Variants in PYROXD2 observed in about 807,000 individuals in gnomAD.
PYROXD2 encodes pyridine nucleotide-disulphide oxidoreductase domain 2.
PYROXD2 carries 69 observed loss-of-function variants against 71.1 expected under a neutral mutation model. The ratio of observed to expected loss-of-function variants is 0.97; its 90% confidence interval spans 0.80 to 1.19. The LOEUF (loss-of-function observed/expected upper bound fraction) is 1.19. Ranked by LOEUF, PYROXD2 falls within the 50% of genes most tolerant of loss-of-function variation. The pLI, the probability that PYROXD2 is intolerant of heterozygous loss-of-function variation, is 0.00. For synonymous variants in PYROXD2, 287 were observed against 302.7 expected, an observed-to-expected ratio of 0.95 and a Z score of 0.54; for missense variants, 745 against 748.9, an observed-to-expected ratio of 0.99 and a Z score of 0.06.
At chr10:98,388,253 C>T in intron 13 of PYROXD2, 101 bp downstream of exon 13, 5 of 1,197,892 alleles carry the variant, frequency 4.2e-6, no homozygotes, top group Non-Finnish European at 6.1e-6. Flanking sequence ...GGAATGGCAC[C>T]TGCAGTTGTC....
chr10:98,401,430 T>C (rs1843406600), intron 4 of PYROXD2, among the ~76,000 whole-genome samples: 1 of 152,104 alleles, frequency 6.6e-6, no homozygotes, highest in African/African-American at 2.4e-5. Context: ...TGCTGTACAC[T>C]ACTGCACACT....
chr10:98,400,323 C>T lies in PYROXD2; in HGVS notation c.316-66G>A, dbSNP rs137874240. On this transcript the variant is annotated intron_variant, in intron 4 of 15. Transcript: ENST00000370575. ...TGTGGTCTCTGCCCATCATCTTTCT[C>T]CGATTGTGTTTGTGTGACCATTTAG... 2.7e-4 allele frequency: 401 copies of T among 1,485,832 alleles called. 1 individual carries two copies. The African/African-American group carries it at 5.0e-3, about 18-fold the overall frequency. The allele number at this position is 1,485,832 out of a possible 1,614,324, so 92.0% of individuals were successfully genotyped here.
intron 14 of PYROXD2, among the ~76,000 whole-genome samples, chr10:98,386,343 A>G (rs1842753274): frequency 1.3e-5 from 2 of 151,428 alleles, no homozygotes; most frequent in African/African-American, 4.9e-5. Flanking sequence ...GGAAGGAAGG[A>G]AGGAAGGAAG....
chr10:98,385,757 C>T (rs186626960), intron 14 of PYROXD2, among the ~76,000 whole-genome samples: 20 of 152,322 alleles, frequency 1.3e-4, no homozygotes, highest in Admixed American at 9.1e-4. Flanking sequence ...ACCTTCCTCC[C>T]CCTGGCCTCT....
At chr10:98,410,868 A>G in intron 2 of PYROXD2, 71 bp downstream of exon 2, 1 of 1,550,368 alleles carries the variant, frequency 6.5e-7, no homozygotes, top group South Asian at 1.2e-5. Flanking sequence ...GCTTCTTCAC[A>G]CTCCTTCCCA....
At chr10:98,413,983 T>C (rs968652521) in intron 1 of PYROXD2, 2 of 152,136 alleles carry the variant, frequency 1.3e-5, no homozygotes, top group Non-Finnish European at 2.9e-5. Context: ...ATTTGTAAAA[T>C]TGTGTGCAGT....
intron 4 of PYROXD2, among the ~76,000 whole-genome samples, chr10:98,405,728 C>A (rs983586100): frequency 6.6e-6 from 1 of 152,220 alleles, no homozygotes; most frequent in African/African-American, 2.4e-5. Context: ...ACCACGTTCA[C>A]CGCAAAGTAC....
At chr10:98,403,247 C>T (rs1843479786) in intron 4 of PYROXD2, among the ~76,000 whole-genome samples, 1 of 152,218 alleles carries the variant, frequency 6.6e-6, no homozygotes, top group African/African-American at 2.4e-5. Flanking sequence ...CTCACTCATA[C>T]CCAGGAGGCA....
chr10:98,400,089 T>A lies in PYROXD2; in HGVS notation c.471+13A>T. The A allele has an allele frequency of 6.2e-7, 1 of 1,610,990 alleles. No individual in the cohort carries two copies. Among genetic ancestry groups the A allele is most frequent in the Non-Finnish European group, 8.5e-7 (1 of 1,178,434 alleles). On this transcript the variant is annotated intron_variant, in intron 5 of 15. Transcript: ENST00000370575. ...GAGGGAGCAGGAGCTCAGTCACTGG[T>A]CGCCTTCCCTACCTGGGCATCCTTC...
rs1191214501 is a variant in PYROXD2 at position 98,393,011 on chromosome 10, G to GC, written c.857dup (p.Met287HisfsTer6). The GC allele has an allele frequency of 7.6e-5, 123 of 1,612,720 alleles. No individual in the cohort carries two copies. Among genetic ancestry groups the GC allele is most frequent in the Non-Finnish European group, 1.0e-4 (121 of 1,179,036 alleles). On this transcript the variant is annotated frameshift_variant, in exon 9 of 16. Transcript: ENST00000370575. LOFTEE classifies it high-confidence loss of function. The stretch of plus-strand genomic sequence containing the variant: ...CGATCGCATCAGAGAGGGCACCCAT[G>GC]CCCCCCTGGACGTAGCCCCAGGCCC...
At position 98,383,803 on chromosome 10, in the gene PYROXD2, T is replaced by A. The variant is rs867867111; in HGVS notation, c.1741A>T (p.Met581Leu). Residue 581 changes from methionine to leucine, a missense_variant, in exon 16 of 16, where the codon ATG (methionine) becomes TTG (leucine). Physicochemically the swap from Met to Leu is conservative, Grantham distance 15. Transcript: ENST00000370575. ...AHVAFRDLKSM is the reference protein window; with the variant it reads ...AHVAFRDLKSL ...GGGTCAGAGCTGGTTCAGGGTCACA[T>A]GCTCTTGAGGTCCCTAAAGGCCACA... 6.2e-7 allele frequency: 1 copy of A among 1,613,876 alleles called. No homozygotes were observed. The highest frequency in any genetic ancestry group is 8.5e-7 in the Non-Finnish European group (1 of 1,179,780).
chr10:98,399,071 G>T (rs534570037), intron 5 of PYROXD2, among the ~76,000 whole-genome samples: 1 of 152,198 alleles, frequency 6.6e-6, no homozygotes, highest in East Asian at 1.9e-4. Flanking sequence ...AACCCGGGAG[G>T]CAGAGGTTAC....
rs528913542 is a variant in PYROXD2 at position 98,392,685 on chromosome 10, C to T, written c.928-119G>A. On this transcript the variant is annotated intron_variant, in intron 9 of 15. Coordinates refer to ENST00000370575, the MANE Select transcript of PYROXD2 (RefSeq NM_032709.3). The stretch of plus-strand genomic sequence containing the variant: ...ATTCACAACTTCTTCATCCCAAACC[C>T]ATCCCACCAAGTTCTGCAGCTTCTC... 9.5e-5 allele frequency: 141 copies of T among 1,488,572 alleles called. No homozygotes were observed. The South Asian group carries it at 1.1e-3, about 12-fold the overall frequency. The allele number at this position is 1,488,572 out of a possible 1,614,324, so 92.2% of individuals were successfully genotyped here. A position where few individuals can be genotyped will look rare whatever the true frequency, so the allele number is the denominator to read the frequency against.
chr10:98,392,920 G>A (rs777528333), intron 9 of PYROXD2, 22 bp downstream of exon 9: 2 of 1,609,980 alleles, frequency 1.2e-6, no homozygotes, highest in South Asian at 1.1e-5. Context: ...AATAATTGGG[G>A]TGGGGTAGAG....
chr10:98,407,436 C>T, intron 4 of PYROXD2, 146 bp downstream of exon 4: 1 of 896,870 alleles, frequency 1.1e-6, no homozygotes. Flanking sequence ...GCAGGGAGAC[C>T]ACGTGGGATA....
chr10:98,398,238 C>T (rs939545351), intron 5 of PYROXD2, among the ~76,000 whole-genome samples: 7 of 152,154 alleles, frequency 4.6e-5, no homozygotes, highest in African/African-American at 1.7e-4. Flanking sequence ...TGCCTGTATT[C>T]TTTTCCGGTC....
At chr10:98,410,894 C>T (rs774273280) in intron 2 of PYROXD2, 45 bp downstream of exon 2, 3 of 1,556,526 alleles carry the variant, frequency 1.9e-6, no homozygotes, top group African/African-American at 2.7e-5. Flanking sequence ...CTGAGAGCCA[C>T]ACGCCCAGGG....
chr10:98,405,993 A>G (rs1247157399), intron 4 of PYROXD2, among the ~76,000 whole-genome samples: 1 of 152,240 alleles, frequency 6.6e-6, no homozygotes, highest in Non-Finnish European at 1.5e-5. Flanking sequence ...AACGCTCTCC[A>G]TTATAGTTTT....
At chr10:98,393,748 C>T (rs2135952820) in intron 8 of PYROXD2, among the ~76,000 whole-genome samples, 1 of 152,282 alleles carries the variant, frequency 6.6e-6, no homozygotes, top group South Asian at 2.1e-4. Context: ...GCTCCTGCCA[C>T]TCACTTATCA....
Sources: gnomAD v4.1 joint callset for allele counts (sites outside exome capture counted in the v4.1 genomes callset) on GRCh38, gnomAD v4.1.1 for gene constraint, MANE v1.5 for transcripts, NCBI Gene and HGNC (gene_info 2026-07-23, HGNC 2026-07-21) for gene names.